THSD4: variants seen among roughly 807,000 people sequenced by gnomAD.
THSD4 encodes the protein thrombospondin type 1 domain containing 4.
In THSD4, 69 loss-of-function variants were observed where a neutral mutation model predicts 119.0. The observed-to-expected ratio is 0.58, with a 90% CI of 0.48 to 0.71. The LOEUF (loss-of-function observed/expected upper bound fraction) is 0.71. Ranked by LOEUF, THSD4 falls within the 30% of genes least tolerant of loss-of-function variation. The pLI, the probability that THSD4 is intolerant of heterozygous loss-of-function variation, is 0.00. For missense variants in THSD4, 1,393 were observed against 1,391.1 expected (o/e 1.00, Z -0.02); for synonymous variants, 524 against 540.4 (o/e 0.97, Z 0.42).
At chr15:71,536,009 A>T (rs4513049) in intron 7 of THSD4, among the ~76,000 whole-genome samples, 31,810 of 152,124 alleles carry the variant, frequency 0.21, 3,513 homozygotes, top group Non-Finnish European at 0.25. Context: ...ACCTAACCCA[A>T]GCTCATGAAG....
At chr15:71,230,414 A>T (rs559488666) in intron 4 of THSD4, among the ~76,000 whole-genome samples, 1 of 152,310 alleles carries the variant, frequency 6.6e-6, no homozygotes, top group African/African-American at 2.4e-5. Context: ...CACATATCAC[A>T]TTGGAGGCTC....
chr15:71,268,055 A>G (rs1384539358), intron 6 of THSD4, among the ~76,000 whole-genome samples: 2 of 152,226 alleles, frequency 1.3e-5, no homozygotes, highest in Non-Finnish European at 2.9e-5. Flanking sequence ...GATCAACGAG[A>G]CAGAAAATTA....
chr15:71,583,520 T>A (rs1460401259), intron 7 of THSD4, among the ~76,000 whole-genome samples: 1 of 151,930 alleles, frequency 6.6e-6, no homozygotes, highest in Non-Finnish European at 1.5e-5. Context: ...TTATTTGAGA[T>A]CCTTGTTTTT....
At chr15:71,437,543 C>G (rs990709345) in intron 7 of THSD4, among the ~76,000 whole-genome samples, 1 of 152,118 alleles carries the variant, frequency 6.6e-6, no homozygotes, top group East Asian at 1.9e-4. Context: ...TTGGGAGAGA[C>G]AGAACATTGA....
intron 6 of THSD4, among the ~76,000 whole-genome samples, chr15:71,274,169 G>C (rs2044563869): frequency 6.6e-6 from 1 of 152,144 alleles, no homozygotes; most frequent in Non-Finnish European, 1.5e-5. Flanking sequence ...TAGAAAGAAG[G>C]GAAAGTGGAT....
chr15:71,268,116 G>A (rs926019293), intron 6 of THSD4, among the ~76,000 whole-genome samples: 7 of 152,234 alleles, frequency 4.6e-5, no homozygotes, highest in Non-Finnish European at 1.0e-4. Context: ...GGACCTAATA[G>A]ACATCTACAG....
chr15:71,245,703 G>A (rs2044193949), intron 5 of THSD4, among the ~76,000 whole-genome samples: 1 of 152,124 alleles, frequency 6.6e-6, no homozygotes, highest in Admixed American at 6.5e-5. Flanking sequence ...CTGAGGGCTG[G>A]TCACATAGGC....
At chr15:71,635,223 C>T (rs1461494105) in intron 7 of THSD4, among the ~76,000 whole-genome samples, 1 of 152,140 alleles carries the variant, frequency 6.6e-6, no homozygotes, top group Non-Finnish European at 1.5e-5. Flanking sequence ...GGAGAAAAGC[C>T]AAGAGATCTT....
chr15:71,358,221 C>T (rs577013079), intron 6 of THSD4, among the ~76,000 whole-genome samples: 1 of 152,330 alleles, frequency 6.6e-6, no homozygotes, highest in Admixed American at 6.5e-5. Context: ...CGGCCTCCCT[C>T]CCCTCCTTCC....
chr15:71,194,890 G>C (rs1478836579), intron 3 of THSD4, among the ~76,000 whole-genome samples: 1 of 152,150 alleles, frequency 6.6e-6, no homozygotes, highest in Non-Finnish European at 1.5e-5. Context: ...TGGAATTCCA[G>C]TTGGAGAAGC....
chr15:71,326,121 GAGAA>G (rs1220749945), intron 6 of THSD4, among the ~76,000 whole-genome samples: 1 of 152,200 alleles, frequency 6.6e-6, no homozygotes, highest in East Asian at 1.9e-4. Context: ...GATGGCGTGA[GAGAA>G]AGAAAGAAAT....
At chr15:71,159,380 C>T (rs1338828265) in intron 3 of THSD4, among the ~76,000 whole-genome samples, 2 of 152,114 alleles carry the variant, frequency 1.3e-5, no homozygotes, top group South Asian at 2.1e-4. Flanking sequence ...ATAAGAACTG[C>T]ATTAAATCTG....
At chr15:71,648,188 C>A (rs1010926666) in intron 7 of THSD4, among the ~76,000 whole-genome samples, 1 of 152,182 alleles carries the variant, frequency 6.6e-6, no homozygotes, top group African/African-American at 2.4e-5. Flanking sequence ...GTAATTCTTA[C>A]CTCCTGGTGT....
chr15:71,222,639 G>C (rs2043984075), intron 4 of THSD4, among the ~76,000 whole-genome samples: 1 of 152,126 alleles, frequency 6.6e-6, no homozygotes, highest in African/African-American at 2.4e-5. Flanking sequence ...AGGAGGGTGG[G>C]CTTCCCAGAA....
intron 6 of THSD4, among the ~76,000 whole-genome samples, chr15:71,274,030 T>G (rs1193921024): frequency 6.6e-6 from 1 of 152,174 alleles, no homozygotes; most frequent in Non-Finnish European, 1.5e-5. Flanking sequence ...AAAGTCCTGG[T>G]AACAAGGGTT....
chr15:71,151,301 G>A (rs1335911348), intron 2 of THSD4, among the ~76,000 whole-genome samples: 1 of 151,942 alleles, frequency 6.6e-6, no homozygotes, highest in African/African-American at 2.4e-5. Context: ...ATCCAAAACT[G>A]CTCCTTACAA....
At chr15:71,317,186 G>C (rs2045199151) in intron 6 of THSD4, among the ~76,000 whole-genome samples, 3 of 152,174 alleles carry the variant, frequency 2.0e-5, no homozygotes, top group African/African-American at 2.4e-5. Context: ...TTGTGATGGA[G>C]AGCATTAGAA....
chr15:71,739,141 G>A (rs2053187396), intron 11 of THSD4, among the ~76,000 whole-genome samples: 1 of 149,950 alleles, frequency 6.7e-6, no homozygotes, highest in Admixed American at 6.6e-5. Context: ...TGGCGTGTTA[G>A]CTGGCTTTTA....
chr15:71,133,334 G>A (rs1047145932), intron 1 of THSD4, among the ~76,000 whole-genome samples: 1 of 152,170 alleles, frequency 6.6e-6, no homozygotes, highest in Non-Finnish European at 1.5e-5. Flanking sequence ...CTGCGCAGTG[G>A]TGCCTCAGAC....
Sources: allele counts gnomAD v4.1 joint callset (sites outside exome capture counted in the v4.1 genomes callset), GRCh38; gene constraint gnomAD v4.1.1; transcripts MANE v1.5; gene names NCBI Gene and HGNC (gene_info 2026-07-23, HGNC 2026-07-21).